GALNT13: variants seen among roughly 807,000 people sequenced by gnomAD.
GALNT13 encodes polypeptide N-acetylgalactosaminyltransferase 13, also known as UDP-GalNAc:polypeptide N-acetylgalactosaminyltransferase 13.
GALNT13 carries 28 observed loss-of-function variants against 64.2 expected under a neutral mutation model. That is an observed-to-expected ratio of 0.44 (90% CI 0.32 to 0.60). GALNT13 has a LOEUF of 0.60. Ranked by LOEUF, GALNT13 falls within the 20% of genes least tolerant of loss-of-function variation. The pLI is 0.05. For synonymous variants in GALNT13, 214 were observed against 224.6 expected (o/e 0.95, Z 0.42); for missense variants, 577 against 669.8 (o/e 0.86, Z 1.53).
At chr2:153,643,142 A>G in the GALNT13 span, among the ~76,000 whole-genome samples, 2 of 151,518 alleles carry the variant, frequency 1.3e-5, no homozygotes, top group East Asian at 3.9e-4. Flanking sequence ...ATGAGAAGAT[A>G]TGCAAAATCA....
the GALNT13 span, among the ~76,000 whole-genome samples, chr2:153,391,987 A>G: frequency 6.7e-6 from 1 of 149,002 alleles, no homozygotes; most frequent in African/African-American, 2.4e-5. Flanking sequence ...AACATTAAAC[A>G]TAATTACATT....
At chr2:153,070,382 T>C in the GALNT13 span, among the ~76,000 whole-genome samples, 1 of 152,140 alleles carries the variant, frequency 6.6e-6, no homozygotes, top group Admixed American at 6.5e-5. Context: ...TTCCATATGA[T>C]ACTATAATGG....
intron 4 of GALNT13, among the ~76,000 whole-genome samples, chr2:154,142,497 C>T (rs1024039365): frequency 7.3e-6 from 1 of 136,516 alleles, no homozygotes; most frequent in Admixed American, 8.5e-5. Context: ...TGGAGTGAGC[C>T]GAGATTTTGC....
At chr2:154,403,005 C>T (rs960494556) in intron 10 of GALNT13, among the ~76,000 whole-genome samples, 1 of 152,116 alleles carries the variant, frequency 6.6e-6, no homozygotes, top group African/African-American at 2.4e-5. Context: ...TGTTAGAAAA[C>T]ACCAGTGACC....
At chr2:154,271,608 C>T (rs1691357660) in intron 8 of GALNT13, among the ~76,000 whole-genome samples, 1 of 151,852 alleles carries the variant, frequency 6.6e-6, no homozygotes. Flanking sequence ...TCTTTCATGA[C>T]CTCACAAAAT....
chr2:154,125,026 C>T (rs1435481679), intron 3 of GALNT13, among the ~76,000 whole-genome samples: 1 of 152,068 alleles, frequency 6.6e-6, no homozygotes, highest in Non-Finnish European at 1.5e-5. Context: ...ACTGGGAAAG[C>T]TTGGAAGATG....
intron 3 of GALNT13, among the ~76,000 whole-genome samples, chr2:154,031,524 T>C (rs1209845588): frequency 6.6e-6 from 1 of 151,882 alleles, no homozygotes; most frequent in Non-Finnish European, 1.5e-5. Context: ...ACCCACTTAA[T>C]GTGTATGGAT....
chr2:153,760,404 T>TTTGGTA, the GALNT13 span, among the ~76,000 whole-genome samples: 7 of 152,042 alleles, frequency 4.6e-5, no homozygotes, highest in Non-Finnish European at 8.8e-5. Flanking sequence ...AGAACTGTTT[T>TTTGGTA]TGTTGTATCC....
the GALNT13 span, among the ~76,000 whole-genome samples, chr2:153,070,415 A>C: frequency 6.6e-6 from 1 of 152,188 alleles, no homozygotes; most frequent in Non-Finnish European, 1.5e-5. Flanking sequence ...GCATTTTTCA[A>C]AAACCATAGA....
At chr2:153,389,802 C>T in the GALNT13 span, among the ~76,000 whole-genome samples, 1 of 151,974 alleles carries the variant, frequency 6.6e-6, no homozygotes, top group Admixed American at 6.6e-5. Flanking sequence ...TGATCCTAGG[C>T]AAGTTTCTTA....
the GALNT13 span, among the ~76,000 whole-genome samples, chr2:153,165,930 A>C: frequency 6.6e-5 from 10 of 152,224 alleles, no homozygotes; most frequent in African/African-American, 2.4e-4. Flanking sequence ...GGCAGGGGAA[A>C]TATAATGGGA....
intron 3 of GALNT13, among the ~76,000 whole-genome samples, chr2:154,013,569 G>A (rs1015246926): frequency 4.6e-5 from 7 of 152,144 alleles, no homozygotes; most frequent in Non-Finnish European, 1.0e-4. Flanking sequence ...GCACACCGGT[G>A]TACACTGTGC....
At chr2:153,084,826 A>G in the GALNT13 span, among the ~76,000 whole-genome samples, 3 of 152,226 alleles carry the variant, frequency 2.0e-5, no homozygotes, top group African/African-American at 7.2e-5. Flanking sequence ...ACACACTAGT[A>G]CAGTAAATTG....
the GALNT13 span, among the ~76,000 whole-genome samples, chr2:153,773,744 A>C: frequency 6.6e-6 from 1 of 152,202 alleles, no homozygotes; most frequent in African/African-American, 2.4e-5. Flanking sequence ...GAATGGCATC[A>C]TAATAGGCTG....
chr2:154,201,712 G>A (rs1459549488), intron 4 of GALNT13, among the ~76,000 whole-genome samples: 1 of 152,022 alleles, frequency 6.6e-6, no homozygotes, highest in African/African-American at 2.4e-5. Flanking sequence ...TTTGATAATG[G>A]TAAGAGTTAA....
rs549012298 is a variant in GALNT13, at chr2:154,310,899, C to T, written c.1156+9310C>T. 2.2e-5 allele frequency among the ~76,000 whole-genome samples: 3 copies of T among 134,340 alleles called. No homozygotes were observed. In the East Asian group the frequency reaches 7.1e-4, roughly 32 times the overall value. The allele number at this position is 134,340 out of a possible 152,430, so 88.1% of individuals were successfully genotyped here. On this transcript the variant is annotated intron_variant, in intron 9 of 12. Coordinates refer to ENST00000392825, the MANE Select transcript of GALNT13 (RefSeq NM_052917.4). ...AATAAGATATATAAATCACTTAAGA[C>T]AATGTCTGGCAAGTATCAAACAATT...
At chr2:153,411,181 T>TATA in the GALNT13 span, among the ~76,000 whole-genome samples, 39 of 91,362 alleles carry the variant, frequency 4.3e-4, no homozygotes, top group African/African-American at 1.4e-3. Context: ...ATATATATAT[T>TATA]TTTTTTTTTT....
chr2:153,181,049 T>TTTTTTTTTTTTTTTTTTTTA, the GALNT13 span, among the ~76,000 whole-genome samples: 1 of 122,036 alleles, frequency 8.2e-6, no homozygotes, highest in Non-Finnish European at 1.7e-5. Flanking sequence ...TTTTTTTTTT[T>TTTTTTTTTTTTTTTTTTTTA]GCTGTCATCA....
intron 4 of GALNT13, among the ~76,000 whole-genome samples, chr2:154,225,137 T>TAGATAGAC (rs1553499070): frequency 9.2e-5 from 12 of 130,426 alleles, no homozygotes; most frequent in African/African-American, 3.5e-4. Flanking sequence ...GATAGATAGA[T>TAGATAGAC]AGATAGATGA....
Sources: gnomAD v4.1 joint callset for allele counts (sites outside exome capture counted in the v4.1 genomes callset) on GRCh38, gnomAD v4.1.1 for gene constraint, MANE v1.5 for transcripts, NCBI Gene and HGNC (gene_info 2026-07-23, HGNC 2026-07-21) for gene names.